MAPKAP1: variants seen among roughly 807,000 people sequenced by gnomAD.
MAPKAP1 encodes the protein MAPK associated protein 1, also known as target of rapamycin complex 2 subunit MAPKAP1.
MAPKAP1 carries 20 observed loss-of-function variants against 65.7 expected under a neutral mutation model. The observed-to-expected ratio is 0.30, with a 90% CI of 0.21 to 0.44. The LOEUF is 0.44. MAPKAP1 is among the 20% of genes least tolerant of loss of function. The pLI, the probability that MAPKAP1 is intolerant of heterozygous loss-of-function variation, is 1.00. For missense variants in MAPKAP1, 423 were observed against 648.0 expected, an observed-to-expected ratio of 0.65 and a Z score of 3.77; for synonymous variants, 222 against 244.3, an observed-to-expected ratio of 0.91 and a Z score of 0.85.
intron 6 of MAPKAP1, among the ~76,000 whole-genome samples, chr9:125,548,052 T>C (rs1359609947): frequency 6.6e-6 from 1 of 152,234 alleles, no homozygotes; most frequent in East Asian, 1.9e-4. Flanking sequence ...GGCTAGGTGC[T>C]GTTTTAAGCT....
intron 4 of MAPKAP1, among the ~76,000 whole-genome samples, chr9:125,630,747 G>T (rs1009279190): frequency 2.6e-5 from 4 of 152,064 alleles, no homozygotes. Context: ...GGGCCTAATG[G>T]GAGGTGTTTG....
intron 7 of MAPKAP1, among the ~76,000 whole-genome samples, chr9:125,530,124 T>C (rs1266465601): frequency 1.3e-5 from 2 of 152,190 alleles, no homozygotes; most frequent in African/African-American, 4.8e-5. Context: ...CTTGGTTTCC[T>C]GTGGTGGGGT....
chr9:125,546,967 C>T (rs925014354), intron 6 of MAPKAP1, among the ~76,000 whole-genome samples: 1 of 152,136 alleles, frequency 6.6e-6, no homozygotes, highest in Non-Finnish European at 1.5e-5. Flanking sequence ...TCCCACGGCT[C>T]CTTGGGCTGT....
chr9:125,506,492 C>T lies in MAPKAP1; in HGVS notation c.959-75G>A. The T allele has an allele frequency of 2.5e-6, 3 of 1,201,332 alleles. No individual in the cohort carries two copies. The South Asian group carries it at 3.7e-5, about 15-fold the overall frequency. 74.4% of individuals were successfully genotyped at this position (1,201,332 alleles called of 1,614,324 possible). A position where few individuals can be genotyped will look rare whatever the true frequency, so the allele number is the denominator to read the frequency against. On this transcript the variant is annotated intron_variant, in intron 7 of 11. Transcript: ENST00000265960. The stretch of plus-strand genomic sequence containing the variant: ...TTTAACATTTAAAAAACACCACATA[C>T]TGGTGAAAAGCTGATAAAGCCTTAG...
At chr9:125,663,234 T>C (rs532858976) in intron 3 of MAPKAP1, among the ~76,000 whole-genome samples, 1 of 152,258 alleles carries the variant, frequency 6.6e-6, no homozygotes, top group Non-Finnish European at 1.5e-5. Context: ...TACTGTGCTC[T>C]AACCAACAGG....
chr9:125,598,299 T>G (rs940330444), intron 4 of MAPKAP1, among the ~76,000 whole-genome samples: 3 of 152,234 alleles, frequency 2.0e-5, no homozygotes, highest in Non-Finnish European at 4.4e-5. Flanking sequence ...TAAAGGCTAT[T>G]AAATTAACAT....
intron 6 of MAPKAP1, among the ~76,000 whole-genome samples, chr9:125,548,161 C>G (rs1294558451): frequency 6.6e-6 from 1 of 152,198 alleles, no homozygotes; most frequent in Non-Finnish European, 1.5e-5. Context: ...AGGGAATTTA[C>G]CTGAGATCAC....
chr9:125,624,126 T>A (rs1227506857), intron 4 of MAPKAP1, among the ~76,000 whole-genome samples: 1 of 18,002 alleles, frequency 5.6e-5, no homozygotes, highest in African/African-American at 1.3e-4. Flanking sequence ...GGAGCCCCTC[T>A]GCCCGGCCAG....
At chr9:125,673,797 C>T (rs1834564633) in intron 1 of MAPKAP1, among the ~76,000 whole-genome samples, 1 of 151,752 alleles carries the variant, frequency 6.6e-6, no homozygotes, top group Admixed American at 6.6e-5. Flanking sequence ...TTTTAATTAG[C>T]TGAGCATGGT....
At chr9:125,577,351 G>A (rs997236428) in intron 5 of MAPKAP1, among the ~76,000 whole-genome samples, 28 of 150,650 alleles carry the variant, frequency 1.9e-4, no homozygotes, top group Admixed American at 1.1e-3. Flanking sequence ...AGTGAGGAGC[G>A]TCTCCGCCCG....
At chr9:125,460,686 C>T (rs1455322870) in intron 10 of MAPKAP1, among the ~76,000 whole-genome samples, 1 of 152,162 alleles carries the variant, frequency 6.6e-6, no homozygotes, top group Admixed American at 6.5e-5. Context: ...GAGACAAGCA[C>T]ATTGGTACCA....
At chr9:125,533,901 T>G (rs1262624705) in intron 7 of MAPKAP1, among the ~76,000 whole-genome samples, 1 of 152,160 alleles carries the variant, frequency 6.6e-6, no homozygotes, top group Non-Finnish European at 1.5e-5. Context: ...ATACTGAAAA[T>G]TTGGAAATAA....
At position 125,585,499 on chromosome 9, in the gene MAPKAP1, C is replaced by CT. The variant is rs908524739; in HGVS notation, c.671+55dup. The CT allele has an allele frequency of 1.8e-5, 28 of 1,583,266 alleles. 1 individual carries two copies. Among genetic ancestry groups the CT allele is most frequent in the Non-Finnish European group, 2.1e-5 (24 of 1,159,426 alleles). On this transcript the variant is annotated intron_variant, in intron 5 of 11. Transcript: ENST00000265960. The stretch of plus-strand genomic sequence containing the variant: ...AAAGACTAACCAGCCTAGAAGACAC[C>CT]TTGGGTGGCCAAAAGACCACAAGAA...
At chr9:125,636,095 G>A (rs1288365378) in intron 4 of MAPKAP1, among the ~76,000 whole-genome samples, 1 of 152,178 alleles carries the variant, frequency 6.6e-6, no homozygotes, top group Non-Finnish European at 1.5e-5. Flanking sequence ...CCAGGGCAGA[G>A]ACCACATTCC....
chr9:125,591,882 T>C (rs1564572971), intron 4 of MAPKAP1, among the ~76,000 whole-genome samples: 1 of 152,296 alleles, frequency 6.6e-6, no homozygotes, highest in African/African-American at 2.4e-5. Flanking sequence ...TGTCTAAATA[T>C]GAAAAAGCAA....
intron 7 of MAPKAP1, among the ~76,000 whole-genome samples, chr9:125,532,683 T>C (rs1829966370): frequency 6.6e-6 from 1 of 152,178 alleles, no homozygotes; most frequent in Admixed American, 6.5e-5. Flanking sequence ...GGGTCCACAT[T>C]AACCCCCTAC....
At chr9:125,463,142 A>T (rs1853560055) in intron 10 of MAPKAP1, among the ~76,000 whole-genome samples, 1 of 152,274 alleles carries the variant, frequency 6.6e-6, no homozygotes, top group South Asian at 2.1e-4. Context: ...AGCAAGACGT[A>T]TAATGGGGAA....
chr9:125,589,139 C>CCTAT (rs1289795167), intron 4 of MAPKAP1, among the ~76,000 whole-genome samples: 20 of 152,036 alleles, frequency 1.3e-4, no homozygotes, highest in African/African-American at 4.8e-4. Context: ...GTAGGACCTA[C>CCTAT]CTATCATAAG....
At chr9:125,664,282 G>A (rs537534200) in intron 3 of MAPKAP1, among the ~76,000 whole-genome samples, 1 of 151,814 alleles carries the variant, frequency 6.6e-6, no homozygotes, top group African/African-American at 2.4e-5. Context: ...TGGAGGCAAA[G>A]GTTGCAGTGA....
Sources: gnomAD v4.1 joint callset for allele counts (sites outside exome capture counted in the v4.1 genomes callset) on GRCh38, gnomAD v4.1.1 for gene constraint, MANE v1.5 for transcripts, NCBI Gene and HGNC (gene_info 2026-07-23, HGNC 2026-07-21) for gene names.